Variants in CCSER1 observed in about 807,000 individuals in gnomAD.
The protein encoded by CCSER1 is serine-rich coiled-coil domain-containing protein 1.
In CCSER1, 41 loss-of-function variants were observed where a neutral mutation model predicts 82.0. That is an observed-to-expected ratio of 0.50 (90% CI 0.39 to 0.65). The LOEUF (loss-of-function observed/expected upper bound fraction) is 0.65. CCSER1 is among the 30% of genes least tolerant of loss of function. The probability of loss-of-function intolerance (pLI) is 0.00; values close to 1 mark genes in which losing one functional copy is unlikely to be tolerated. For missense variants in CCSER1, 1,119 were observed against 1,064.2 expected, an observed-to-expected ratio of 1.05 and a Z score of -0.72; for synonymous variants, 414 against 383.9, an observed-to-expected ratio of 1.08 and a Z score of -0.92.
intron 1 of CCSER1, among the ~76,000 whole-genome samples, chr4:90,220,780 A>G (rs1009714119): frequency 2.0e-5 from 3 of 152,180 alleles, no homozygotes; most frequent in Non-Finnish European, 2.9e-5. Flanking sequence ...AGATATGTGT[A>G]TTGTTTCAGA....
chr4:90,661,556 C>G (rs1037871670), intron 6 of CCSER1, among the ~76,000 whole-genome samples: 2 of 151,996 alleles, frequency 1.3e-5, no homozygotes, highest in Non-Finnish European at 2.9e-5. Flanking sequence ...CAATATGCAG[C>G]GAAATGTTTA....
intron 10 of CCSER1, among the ~76,000 whole-genome samples, chr4:91,583,756 T>C (rs964210540): frequency 1.3e-5 from 2 of 151,498 alleles, no homozygotes; most frequent in Non-Finnish European, 3.0e-5. Context: ...AACAATTATT[T>C]TGATAGATCA....
intron 4 of CCSER1, among the ~76,000 whole-genome samples, chr4:90,465,364 A>G (rs956422079): frequency 2.2e-5 from 3 of 138,920 alleles, no homozygotes; most frequent in African/African-American, 8.2e-5. Flanking sequence ...TCTGTCACCC[A>G]TACTGCAGTG....
At chr4:90,890,131 C>T (rs1022517556) in intron 8 of CCSER1, among the ~76,000 whole-genome samples, 2 of 151,998 alleles carry the variant, frequency 1.3e-5, no homozygotes, top group Admixed American at 1.3e-4. Context: ...TGCACAAAAA[C>T]AGTGATTATA....
chr4:90,227,928 G>A (rs1186702913), intron 1 of CCSER1, among the ~76,000 whole-genome samples: 2 of 152,194 alleles, frequency 1.3e-5, no homozygotes, highest in Admixed American at 6.5e-5. Context: ...CTTAAAAAAC[G>A]CCGCACCAGG....
At chr4:90,366,681 C>G (rs959979018) in intron 3 of CCSER1, among the ~76,000 whole-genome samples, 1 of 151,796 alleles carries the variant, frequency 6.6e-6, no homozygotes, top group African/African-American at 2.4e-5. Flanking sequence ...GTATTTTAAA[C>G]ACAACATTTG....
intron 10 of CCSER1, among the ~76,000 whole-genome samples, chr4:91,553,418 A>G (rs1004883294): frequency 2.6e-5 from 4 of 151,616 alleles, no homozygotes; most frequent in African/African-American, 9.7e-5. Context: ...TCATAAAATG[A>G]GTTTGAAAGC....
intron 10 of CCSER1, among the ~76,000 whole-genome samples, chr4:91,104,477 C>A (rs866218065): frequency 9.9e-5 from 15 of 152,088 alleles, no homozygotes; most frequent in African/African-American, 3.6e-4. Flanking sequence ...AGCTGGCCAA[C>A]ACTTATGGAA....
intron 9 of CCSER1, among the ~76,000 whole-genome samples, chr4:91,045,195 A>G (rs1360239746): frequency 1.3e-5 from 2 of 152,204 alleles, no homozygotes; most frequent in Non-Finnish European, 2.9e-5. Context: ...TGCAGCAGTC[A>G]CTGAGCCAGA....
intron 4 of CCSER1, among the ~76,000 whole-genome samples, chr4:90,424,727 T>C (rs150665367): frequency 2.5e-3 from 384 of 152,314 alleles, no homozygotes; most frequent in Non-Finnish European, 2.9e-3. Context: ...TCCAGTTCAG[T>C]CCTCTTTCCT....
intron 1 of CCSER1, among the ~76,000 whole-genome samples, chr4:90,220,140 A>G (rs1219666276): frequency 6.6e-6 from 1 of 152,142 alleles, no homozygotes; most frequent in East Asian, 1.9e-4. Flanking sequence ...TTTTGTTTTT[A>G]GTTATTTTTG....
intron 9 of CCSER1, among the ~76,000 whole-genome samples, chr4:91,082,670 G>T (rs957963243): frequency 2.6e-5 from 4 of 152,012 alleles, no homozygotes; most frequent in African/African-American, 9.7e-5. Flanking sequence ...ATCTGACAAA[G>T]GGCTAATATC....
chr4:90,383,868 A>G (rs962401418), intron 3 of CCSER1, among the ~76,000 whole-genome samples: 1 of 151,972 alleles, frequency 6.6e-6, no homozygotes, highest in Admixed American at 6.6e-5. Flanking sequence ...AGTAGCTAGG[A>G]CTACAGGCCT....
intron 5 of CCSER1, among the ~76,000 whole-genome samples, chr4:90,545,935 C>G (rs2153638057): frequency 6.6e-6 from 1 of 152,144 alleles, no homozygotes. Context: ...CAAAATCCTG[C>G]AGCAAAATTT....
intron 1 of CCSER1, among the ~76,000 whole-genome samples, chr4:90,154,111 C>A (rs1340043452): frequency 6.6e-6 from 1 of 152,172 alleles, no homozygotes; most frequent in African/African-American, 2.4e-5. Context: ...GCCAGTTTTC[C>A]TAGCACCATT....
chr4:91,126,575 A>G lies in CCSER1; in HGVS notation c.2217+40581A>G, dbSNP rs564849728. 1.1e-4 allele frequency among the ~76,000 whole-genome samples: 16 copies of G among 152,120 alleles called. 1 individual carries two copies. In the South Asian group the frequency reaches 3.3e-3, roughly 31 times the overall value. On this transcript the variant is annotated intron_variant, in intron 10 of 10. Transcript: ENST00000509176. ...AAGAATGAAGTTATATGGTCTATAAATTAGATAAAATTCATGTGATTTGAT... is the reference window on the plus strand; with the variant it reads ...AAGAATGAAGTTATATGGTCTATAAGTTAGATAAAATTCATGTGATTTGAT...
intron 10 of CCSER1, among the ~76,000 whole-genome samples, chr4:91,505,244 A>G (rs1205224223): frequency 1.3e-5 from 2 of 152,182 alleles, no homozygotes; most frequent in Admixed American, 6.5e-5. Context: ...TTCCAGCTCT[A>G]TCCACATCCC....
chr4:91,269,884 CT>C (rs1329897975), intron 10 of CCSER1, among the ~76,000 whole-genome samples: 1 of 152,154 alleles, frequency 6.6e-6, no homozygotes, highest in Non-Finnish European at 1.5e-5. Context: ...TAGTCACACA[CT>C]TATCTGCAAT....
At chr4:91,051,932 T>C (rs1160538475) in intron 9 of CCSER1, among the ~76,000 whole-genome samples, 1 of 152,080 alleles carries the variant, frequency 6.6e-6, no homozygotes, top group Non-Finnish European at 1.5e-5. Flanking sequence ...ATATTATAGT[T>C]GGATAGTCAT....
Sources: allele counts gnomAD v4.1 joint callset (sites outside exome capture counted in the v4.1 genomes callset), GRCh38; gene constraint gnomAD v4.1.1; transcripts MANE v1.5; gene names NCBI Gene and HGNC (gene_info 2026-07-23, HGNC 2026-07-21).